Variants in AUTS2 observed in about 807,000 individuals in gnomAD.
The protein encoded by AUTS2 is autism susceptibility gene 2 protein.
Under a neutral mutation model 112.4 loss-of-function variants are expected in AUTS2, and 17 were observed. The ratio of observed to expected loss-of-function variants is 0.15; its 90% CI spans 0.10 to 0.23. AUTS2 has a LOEUF of 0.23. AUTS2 is among the 10% of genes least tolerant of loss of function. The pLI is 1.00. For missense variants in AUTS2, 1,510 were observed against 1,701.6 expected, an observed-to-expected ratio of 0.89 and a Z score of 1.98; for synonymous variants, 751 against 702.7, an observed-to-expected ratio of 1.07 and a Z score of -1.09.
chr7:69,973,287 T>A (rs1291727934), intron 2 of AUTS2, among the ~76,000 whole-genome samples: 1 of 152,250 alleles, frequency 6.6e-6, no homozygotes, highest in East Asian at 1.9e-4. Flanking sequence ...TTGTATCCTG[T>A]AACCTTGATA....
chr7:69,714,306 C>G (rs773891896), intron 1 of AUTS2, among the ~76,000 whole-genome samples: 6 of 148,054 alleles, frequency 4.1e-5, no homozygotes, highest in Non-Finnish European at 7.4e-5. Context: ...CCAAGTCTCC[C>G]TATGTTGCCT....
intron 3 of AUTS2, among the ~76,000 whole-genome samples, chr7:70,127,428 C>T (rs1023640870): frequency 2.0e-5 from 3 of 152,310 alleles, no homozygotes; most frequent in East Asian, 1.9e-4. Context: ...TGAGCCTCCA[C>T]GCTTGGCCTA....
At chr7:70,036,811 T>C (rs1053526650) in intron 2 of AUTS2, among the ~76,000 whole-genome samples, 1 of 152,206 alleles carries the variant, frequency 6.6e-6, no homozygotes, top group Non-Finnish European at 1.5e-5. Flanking sequence ...CTAATTCTTT[T>C]GCCAATCAGT....
intron 4 of AUTS2, among the ~76,000 whole-genome samples, chr7:70,137,503 TTTC>T (rs1806632946): frequency 6.6e-6 from 1 of 152,058 alleles, no homozygotes; most frequent in Non-Finnish European, 1.5e-5. Flanking sequence ...ATGAACACAT[TTTC>T]TTTTCAATTT....
chr7:70,096,555 C>T (rs186744945), intron 2 of AUTS2, among the ~76,000 whole-genome samples: 5 of 146,360 alleles, frequency 3.4e-5, no homozygotes, highest in East Asian at 2.0e-4. Context: ...GCCGAGATCG[C>T]GCCATTGCAC....
chr7:69,862,823 A>G (rs1283256265), intron 1 of AUTS2, among the ~76,000 whole-genome samples: 1 of 152,166 alleles, frequency 6.6e-6, no homozygotes, highest in Non-Finnish European at 1.5e-5. Flanking sequence ...ATGATATGAA[A>G]AGGCAGCGGG....
chr7:70,472,720 C>T (rs1295818455), intron 5 of AUTS2, among the ~76,000 whole-genome samples: 1 of 152,148 alleles, frequency 6.6e-6, no homozygotes, highest in African/African-American at 2.4e-5. Flanking sequence ...TAAGTAGAAA[C>T]AGGCGTATTT....
At chr7:70,538,085 A>G (rs1800394449) in intron 5 of AUTS2, among the ~76,000 whole-genome samples, 1 of 152,120 alleles carries the variant, frequency 6.6e-6, no homozygotes, top group Non-Finnish European at 1.5e-5. Flanking sequence ...AAAATTTTAA[A>G]AACTAGCCAG....
At chr7:70,076,178 C>CT (rs1196865516) in intron 2 of AUTS2, among the ~76,000 whole-genome samples, 1 of 152,024 alleles carries the variant, frequency 6.6e-6, no homozygotes, top group Admixed American at 6.5e-5. Flanking sequence ...AATACTTTCT[C>CT]TTTTTTTGGC....
chr7:69,677,576 T>C (rs1440573472), intron 1 of AUTS2, among the ~76,000 whole-genome samples: 2 of 152,196 alleles, frequency 1.3e-5, no homozygotes, highest in African/African-American at 2.4e-5. Flanking sequence ...CTGACACTTA[T>C]TGTTAGGGAA....
At chr7:70,702,856 C>T (rs146457743) in intron 6 of AUTS2, among the ~76,000 whole-genome samples, 2 of 152,306 alleles carry the variant, frequency 1.3e-5, no homozygotes, top group East Asian at 3.9e-4. Flanking sequence ...GTGGAACACA[C>T]CCGGCCTCTT....
intron 2 of AUTS2, among the ~76,000 whole-genome samples, chr7:70,061,035 G>A (rs1428603010): frequency 1.3e-5 from 2 of 152,100 alleles, no homozygotes; most frequent in East Asian, 1.9e-4. Flanking sequence ...TATTTTCAGC[G>A]GTAAAATGAG....
rs210595 is a variant in AUTS2 at position 69,778,246 on chromosome 7, A to T, written c.310-121040A>T. 6.4e-3 allele frequency among the ~76,000 whole-genome samples: 818 copies of T among 128,132 alleles called. 8 individuals are homozygous for T. The highest frequency in any genetic ancestry group is 0.02 in the Admixed American group (266 of 13,084). The allele number at this position is 128,132 out of a possible 152,430, so 84.1% of individuals were successfully genotyped here. ...TATCCCCATATATATATATATATAT[A>T]TTTTTTTTTTTTTTTACTCATTTGG... On this transcript the variant is annotated intron_variant, in intron 1 of 18. Transcript: ENST00000342771.
At chr7:70,511,201 T>A (rs1585235844) in intron 5 of AUTS2, among the ~76,000 whole-genome samples, 1 of 151,950 alleles carries the variant, frequency 6.6e-6, no homozygotes, top group African/African-American at 2.4e-5. Context: ...CAAAAAAAAA[T>A]TTAAGAGTAT....
chr7:70,066,049 G>C (rs150708924), intron 2 of AUTS2, among the ~76,000 whole-genome samples: 1 of 152,136 alleles, frequency 6.6e-6, no homozygotes, highest in Non-Finnish European at 1.5e-5. Flanking sequence ...TGTTAGCAGC[G>C]ATGTTGCTGA....
rs1009722111 is a variant in AUTS2, at chr7:69,619,578, C to T, written c.309+19616C>T. Among the ~76,000 whole-genome samples, 10 of 152,282 alleles carry T rather than the reference C, an allele frequency of 6.6e-5. No homozygotes were observed. The East Asian group carries it at 7.7e-4, about 12-fold the overall frequency. Reference sequence around the variant, plus strand: ...CAGAATGATCAGTTCTGTGTGGACACGTCCGTGACTGTACCCTCTTTCAGA... The same window carrying T: ...CAGAATGATCAGTTCTGTGTGGACATGTCCGTGACTGTACCCTCTTTCAGA... On this transcript the variant is annotated intron_variant, in intron 1 of 18. Coordinates refer to ENST00000342771, the MANE Select transcript of AUTS2 (RefSeq NM_015570.4).
chr7:70,108,464 A>T (rs761280410), intron 2 of AUTS2, among the ~76,000 whole-genome samples: 10 of 152,090 alleles, frequency 6.6e-5, no homozygotes, highest in Non-Finnish European at 1.5e-4. Flanking sequence ...TGAACCCAAC[A>T]TCATCTAACT....
intron 2 of AUTS2, among the ~76,000 whole-genome samples, chr7:70,101,013 G>A (rs151025991): frequency 0.048 from 7,360 of 152,132 alleles, 288 homozygotes; most frequent in East Asian, 0.13. Context: ...GAGTAGCTGG[G>A]ACTATAGGCG....
rs549244442 is a variant in AUTS2 at position 70,593,337 on chromosome 7, C to A, written c.691-105232C>A. ...GTTGGTAATATTCCTGTTTTTATAT[C>A]GTGTTTTAATAAATGAGAACATAAC... On this transcript the variant is annotated intron_variant, in intron 5 of 18. Transcript: ENST00000342771. Among the ~76,000 whole-genome samples the A allele has an allele frequency of 3.9e-5, 6 of 152,154 alleles. No homozygotes were observed. In the East Asian group the frequency reaches 1.2e-3, roughly 29 times the overall value.
Sources: allele counts gnomAD v4.1 joint callset (sites outside exome capture counted in the v4.1 genomes callset), GRCh38; gene constraint gnomAD v4.1.1; transcripts MANE v1.5; gene names NCBI Gene and HGNC (gene_info 2026-07-23, HGNC 2026-07-21).